SNX18: variants seen among roughly 807,000 people sequenced by gnomAD.
SNX18 encodes sorting nexin 18.
A neutral mutation model predicts 48.7 loss-of-function variants in SNX18; 35 were observed. That is an observed-to-expected ratio of 0.72 (90% CI 0.55 to 0.95). SNX18 has a LOEUF of 0.95. Ranked by LOEUF, SNX18 falls within the 40% of genes least tolerant of loss-of-function variation. The probability of loss-of-function intolerance (pLI) is 0.00; values close to 1 mark genes in which losing one functional copy is unlikely to be tolerated. For missense variants in SNX18, 824 were observed against 871.0 expected (o/e 0.95, Z 0.68); for synonymous variants, 492 against 384.7 (o/e 1.28, Z -3.26).
At chr5:54,609,653 A>T in the SNX18 span, among the ~76,000 whole-genome samples, 67 of 152,062 alleles carry the variant, frequency 4.4e-4, no homozygotes, top group East Asian at 9.3e-3. Context: ...GGGCTGAGAT[A>T]AAAAAAATGC....
the SNX18 span, among the ~76,000 whole-genome samples, chr5:54,617,606 A>G: frequency 1.4e-4 from 21 of 152,220 alleles, no homozygotes; most frequent in Non-Finnish European, 2.6e-4. Context: ...GACCCTCAAG[A>G]AACACAAGTT....
the SNX18 span, among the ~76,000 whole-genome samples, chr5:54,633,574 CCT>C: frequency 3.3e-5 from 5 of 152,126 alleles, no homozygotes; most frequent in African/African-American, 1.2e-4. Flanking sequence ...ACTTAACACC[CCT>C]GTGTCTCAGT....
In SNX18 at chr5:54,517,921, G is replaced by T; in HGVS notation, c.-32G>T. The T allele has an allele frequency of 2.0e-6, 3 of 1,482,984 alleles. No homozygotes were observed. Among genetic ancestry groups the T allele is most frequent in the African/African-American group, 2.9e-5 (2 of 68,244 alleles). 91.9% of individuals were successfully genotyped at this position (1,482,984 alleles called of 1,614,324 possible). A position where few individuals can be genotyped will look rare whatever the true frequency, so the allele number is the denominator to read the frequency against. On this transcript the variant is annotated 5_prime_UTR_variant, in exon 1 of 2. Transcript: ENST00000381410. ...GGTGGGCCTCGGCTCGGGACGCCGG[G>T]AGTCGGGACCGCCAGTCGGGGCGCC...
the SNX18 span, among the ~76,000 whole-genome samples, chr5:54,573,717 T>G: frequency 0.012 from 1,800 of 152,164 alleles, 32 homozygotes; most frequent in African/African-American, 0.042. Flanking sequence ...ATCAGGAAGA[T>G]TCTGAAAAGC....
Position 54,543,434 on chromosome 5 carries a change from G to T in SNX18, c.*2G>T. On this transcript the variant is annotated 3_prime_UTR_variant, in exon 2 of 2. Transcript: ENST00000381410. Reference sequence around the variant, plus strand: ...CTTCACAAATATGATAGTGTTTAATGACTGGACGTTGGATTATGGACTTTT... The same window carrying T: ...CTTCACAAATATGATAGTGTTTAATTACTGGACGTTGGATTATGGACTTTT... 3 of 1,612,266 alleles carry T rather than the reference G, an allele frequency of 1.9e-6. No individual in the cohort carries two copies. Among genetic ancestry groups the T allele is most frequent in the South Asian group, 2.2e-5 (2 of 90,944 alleles).
the SNX18 span, among the ~76,000 whole-genome samples, chr5:54,588,306 CT>C: frequency 4.1e-5 from 3 of 73,920 alleles, no homozygotes; most frequent in Non-Finnish European, 7.5e-5. Flanking sequence ...TATTTCTATT[CT>C]TTTTTTTTTT....
the SNX18 span, among the ~76,000 whole-genome samples, chr5:54,637,951 A>G: frequency 6.6e-6 from 1 of 151,946 alleles, no homozygotes; most frequent in African/African-American, 2.4e-5. Context: ...CTTCTCCAAG[A>G]CTTCACCCAG....
the SNX18 span, among the ~76,000 whole-genome samples, chr5:54,606,944 C>T: frequency 6.6e-6 from 1 of 152,128 alleles, no homozygotes; most frequent in Non-Finnish European, 1.5e-5. Context: ...CCTTATTTTG[C>T]CCATTTACAA....
chr5:54,594,549 T>C, the SNX18 span, among the ~76,000 whole-genome samples: 4 of 152,200 alleles, frequency 2.6e-5, no homozygotes, highest in Non-Finnish European at 5.9e-5. Context: ...TAATGTGCTT[T>C]ATGCTAAACA....
At chr5:54,537,632 G>A (rs573252131) in intron 1 of SNX18, among the ~76,000 whole-genome samples, 1 of 152,116 alleles carries the variant, frequency 6.6e-6, no homozygotes, top group South Asian at 2.1e-4. Flanking sequence ...TCCGTCTTCT[G>A]TTTTGAAAGC....
chr5:54,533,630 T>A (rs750407558), intron 1 of SNX18, among the ~76,000 whole-genome samples: 1 of 152,236 alleles, frequency 6.6e-6, no homozygotes, highest in Non-Finnish European at 1.5e-5. Context: ...TGAGTTTCAC[T>A]TTCTGCCTCT....
At chr5:54,519,915 C>T in intron 1 of SNX18, 2 of 1,214,820 alleles carry the variant, frequency 1.6e-6, no homozygotes, top group Non-Finnish European at 2.3e-6. Context: ...GGGACCTAAA[C>T]CATGTTAGGT....
chr5:54,520,851 C>A (rs1221464481), intron 1 of SNX18: 1 of 167,020 alleles, frequency 6.0e-6, no homozygotes, highest in East Asian at 1.9e-4. Context: ...TTGTTGCTGC[C>A]GCTGAAAGGG....
chr5:54,624,887 G>C, the SNX18 span, among the ~76,000 whole-genome samples: 1 of 152,158 alleles, frequency 6.6e-6, no homozygotes, highest in African/African-American at 2.4e-5. Flanking sequence ...CTGTGCCAGC[G>C]TCCCCCAAAC....
intron 1 of SNX18, among the ~76,000 whole-genome samples, chr5:54,525,445 T>G (rs2112841714): frequency 6.6e-6 from 1 of 152,186 alleles, no homozygotes; most frequent in Admixed American, 6.5e-5. Context: ...TCATCCCTCC[T>G]GGCAACCTAT....
At chr5:54,535,239 G>A (rs1334196221) in intron 1 of SNX18, among the ~76,000 whole-genome samples, 2 of 152,128 alleles carry the variant, frequency 1.3e-5, no homozygotes, top group Non-Finnish European at 2.9e-5. Flanking sequence ...GGCTTACATT[G>A]GTTAGATACA....
downstream of SNX18, among the ~76,000 whole-genome samples, chr5:54,549,082 A>G (rs917382099): frequency 7.2e-5 from 11 of 152,186 alleles, no homozygotes; most frequent in African/African-American, 1.7e-4. Flanking sequence ...AATATTTTCA[A>G]TCGTCCATTG....
At chr5:54,639,403 G>T in the SNX18 span, among the ~76,000 whole-genome samples, 1 of 152,090 alleles carries the variant, frequency 6.6e-6, no homozygotes, top group Non-Finnish European at 1.5e-5. Context: ...TATCATAGGG[G>T]ATCAGTAAAT....
At chr5:54,533,796 G>A (rs1039474768) in intron 1 of SNX18, among the ~76,000 whole-genome samples, 4 of 152,176 alleles carry the variant, frequency 2.6e-5, no homozygotes, top group African/African-American at 9.7e-5. Context: ...GTGGATGCTG[G>A]CCTTTGCTTT....
Sources: allele counts gnomAD v4.1 joint callset (sites outside exome capture counted in the v4.1 genomes callset), GRCh38; gene constraint gnomAD v4.1.1; transcripts MANE v1.5; gene names NCBI Gene and HGNC (gene_info 2026-07-23, HGNC 2026-07-21).